Variants in FGF14 observed in about 807,000 individuals in gnomAD.
The protein encoded by FGF14 is fibroblast growth factor homologous factor 4.
A neutral mutation model predicts 25.5 loss-of-function variants in FGF14; 5 were observed. The observed-to-expected ratio is 0.20, with a 90% CI of 0.10 to 0.41. The LOEUF is 0.41. Ranked by LOEUF, FGF14 falls within the 10% of genes least tolerant of loss-of-function variation. The pLI is 1.00. For synonymous variants in FGF14, 138 were observed against 118.3 expected (o/e 1.17, Z -1.08); for missense variants, 222 against 320.1 (o/e 0.69, Z 2.34).
chr13:101,860,352 A>T (rs916555115), intron 3 of FGF14, among the ~76,000 whole-genome samples: 2 of 151,562 alleles, frequency 1.3e-5, no homozygotes, highest in African/African-American at 4.8e-5. Flanking sequence ...CCAAAGGCCA[A>T]CTCATCTGGT....
At chr13:102,189,647 C>T (rs545418998) in intron 1 of FGF14, among the ~76,000 whole-genome samples, 4 of 152,260 alleles carry the variant, frequency 2.6e-5, no homozygotes, top group African/African-American at 7.2e-5. Flanking sequence ...GTGCCAGACA[C>T]ATTGTATTAC....
chr13:101,975,106 A>G (rs1009937018), intron 1 of FGF14, among the ~76,000 whole-genome samples: 12 of 152,090 alleles, frequency 7.9e-5, no homozygotes, highest in Non-Finnish European at 1.5e-5. Flanking sequence ...CTGGCTGTTC[A>G]CATTCCATGA....
At chr13:101,930,950 T>TA (rs1430466593) in intron 1 of FGF14, among the ~76,000 whole-genome samples, 1 of 152,188 alleles carries the variant, frequency 6.6e-6, no homozygotes, top group African/African-American at 2.4e-5. Context: ...CCAACAAATT[T>TA]ACCCCTCTCC....
chr13:101,731,485 CAG>C (rs1233789444), intron 3 of FGF14, among the ~76,000 whole-genome samples: 1 of 152,098 alleles, frequency 6.6e-6, no homozygotes, highest in Admixed American at 6.5e-5. Context: ...AATAATTAAA[CAG>C]AAATGTTATA....
intron 1 of FGF14, among the ~76,000 whole-genome samples, chr13:102,186,341 T>C (rs2140786089): frequency 1.3e-5 from 2 of 152,240 alleles, no homozygotes; most frequent in African/African-American, 4.8e-5. Context: ...AGATCTCTTT[T>C]AAAGGAAAAA....
At chr13:101,865,153 CTGA>C (rs1252718320) in intron 3 of FGF14, among the ~76,000 whole-genome samples, 1 of 152,134 alleles carries the variant, frequency 6.6e-6, no homozygotes, top group African/African-American at 2.4e-5. Flanking sequence ...TATCCCTGCC[CTGA>C]TGATGAATGA....
At chr13:102,396,963 A>T (rs1219691910) in intron 1 of FGF14, among the ~76,000 whole-genome samples, 1 of 152,182 alleles carries the variant, frequency 6.6e-6, no homozygotes, top group East Asian at 1.9e-4. Flanking sequence ...CCCACTCTAC[A>T]GCCAAGCATG....
chr13:102,211,881 C>G (rs187333035), intron 1 of FGF14, among the ~76,000 whole-genome samples: 2 of 152,210 alleles, frequency 1.3e-5, no homozygotes, highest in South Asian at 4.1e-4. Flanking sequence ...CCTTTTGTTA[C>G]TAAAGCTTCT....
At chr13:101,989,943 C>G (rs528778019) in intron 1 of FGF14, among the ~76,000 whole-genome samples, 1 of 152,080 alleles carries the variant, frequency 6.6e-6, no homozygotes, top group Non-Finnish European at 1.5e-5. Flanking sequence ...TCCAAGCACA[C>G]GCTGGATTTA....
At chr13:101,915,659 A>G (rs2033395591) in intron 1 of FGF14, among the ~76,000 whole-genome samples, 1 of 152,242 alleles carries the variant, frequency 6.6e-6, no homozygotes, top group African/African-American at 2.4e-5. Context: ...TCAAAGAAAT[A>G]CCTGTAGTAA....
chr13:101,778,312 C>T (rs778134894), intron 3 of FGF14, among the ~76,000 whole-genome samples: 23 of 152,170 alleles, frequency 1.5e-4, no homozygotes, highest in Non-Finnish European at 2.1e-4. Flanking sequence ...CCCTATTGTC[C>T]ATCTCTTCCC....
intron 3 of FGF14, among the ~76,000 whole-genome samples, chr13:101,844,694 T>A (rs1233119338): frequency 1.3e-5 from 2 of 152,034 alleles, no homozygotes; most frequent in Admixed American, 1.3e-4. Flanking sequence ...ACATACATAG[T>A]GTACATTTCC....
chr13:101,907,043 T>C (rs547340824), intron 1 of FGF14, among the ~76,000 whole-genome samples: 1 of 152,272 alleles, frequency 6.6e-6, no homozygotes, highest in Admixed American at 6.5e-5. Context: ...TTGCCAATGA[T>C]TATTTGCTAT....
chr13:101,809,600 C>T (rs1180187657), intron 3 of FGF14, among the ~76,000 whole-genome samples: 1 of 152,138 alleles, frequency 6.6e-6, no homozygotes, highest in Non-Finnish European at 1.5e-5. Context: ...AAAGCAACAA[C>T]AAGCTCATCA....
intron 3 of FGF14, among the ~76,000 whole-genome samples, chr13:101,818,834 C>T (rs1282063880): frequency 6.6e-6 from 1 of 152,152 alleles, no homozygotes; most frequent in Non-Finnish European, 1.5e-5. Flanking sequence ...CAGAGCTAAG[C>T]CCACCTAAAA....
At chr13:101,937,788 C>T (rs376352869) in intron 1 of FGF14, among the ~76,000 whole-genome samples, 3 of 152,028 alleles carry the variant, frequency 2.0e-5, no homozygotes, top group Non-Finnish European at 2.9e-5. Flanking sequence ...TTAGTAGAGA[C>T]AGGGTTTCAC....
chr13:101,858,685 C>A (rs937048818), intron 3 of FGF14, among the ~76,000 whole-genome samples: 1 of 151,904 alleles, frequency 6.6e-6, no homozygotes, highest in Non-Finnish European at 1.5e-5. Context: ...GTTTTTAACC[C>A]CCAGAGGAAA....
chr13:102,130,043 AG>A (rs1202093977), intron 1 of FGF14, among the ~76,000 whole-genome samples: 1 of 152,186 alleles, frequency 6.6e-6, no homozygotes, highest in Non-Finnish European at 1.5e-5. Flanking sequence ...CTCATATTTA[AG>A]GTTTTAGAGA....
intron 1 of FGF14, among the ~76,000 whole-genome samples, chr13:102,249,276 T>C (rs1388829941): frequency 2.0e-5 from 3 of 152,106 alleles, no homozygotes; most frequent in Admixed American, 1.3e-4. Context: ...CAAGAACTTG[T>C]TAAAAAAGTA....
Sources: gnomAD v4.1 joint callset for allele counts (sites outside exome capture counted in the v4.1 genomes callset) on GRCh38, gnomAD v4.1.1 for gene constraint, MANE v1.5 for transcripts, NCBI Gene and HGNC (gene_info 2026-07-23, HGNC 2026-07-21) for gene names.